MFSD6: variants seen among roughly 807,000 people sequenced by gnomAD.
MFSD6 encodes the protein major facilitator superfamily domain containing 6.
A neutral mutation model predicts 56.3 loss-of-function variants in MFSD6; 26 were observed. The ratio of observed to expected loss-of-function variants is 0.46; its 90% CI spans 0.34 to 0.64. The LOEUF is 0.64. Among genes scored for constraint, MFSD6 ranks in the 30% least tolerant of loss-of-function variants. The pLI is 0.01. For missense variants in MFSD6, 750 were observed against 986.2 expected (o/e 0.76, Z 3.21); for synonymous variants, 331 against 366.9 (o/e 0.90, Z 1.12).
intron 3 of MFSD6, among the ~76,000 whole-genome samples, chr2:190,449,819 A>T (rs1301813586): frequency 1.2e-4 from 18 of 151,914 alleles, no homozygotes; most frequent in East Asian, 9.7e-4. Context: ...AACAATGAGA[A>T]CACATGGACA....
In MFSD6 at chr2:190,467,582, T is replaced by TA. The variant is rs1332139254; in HGVS notation, c.1533-2175dup. ...GAGCCGAGATCGTGCCACTGCTCTC[T>TA]AGCCTCGGCAACAGAGCGAGACTCT... On this transcript the variant is annotated intron_variant, in intron 3 of 7. Coordinates refer to ENST00000392328, the MANE Select transcript of MFSD6 (RefSeq NM_017694.4). This position sits in a 1 kb window ranked among gnomAD's most constrained non-coding sequence, Gnocchi z 5.5. Among the ~76,000 whole-genome samples, 1 of 152,116 alleles carries TA rather than the reference T, an allele frequency of 6.6e-6. No homozygotes were observed. The highest frequency in any genetic ancestry group is 2.4e-5 in the African/African-American group (1 of 41,428).
At chr2:190,453,718 C>G (rs912849086) in intron 3 of MFSD6, among the ~76,000 whole-genome samples, 3 of 152,210 alleles carry the variant, frequency 2.0e-5, no homozygotes, top group Non-Finnish European at 1.5e-5. Flanking sequence ...CCTAGACCCT[C>G]CATTTTCCCT....
chr2:190,500,200 G>T lies in MFSD6; in HGVS notation c.2358G>T (p.Leu786=), dbSNP rs375901596. Residue 786 remains leucine, a synonymous_variant, in exon 8 of 8, where the codon CTG becomes CTT. Transcript: ENST00000392328. The surrounding 1 kb of genome is among the most constrained non-coding windows in gnomAD (Gnocchi z 5.3). ...TEESEEQQAQ[L]AAGGH ...AGAGTGAAGAGCAGCAGGCTCAGCT[G>T]GCCGCGGGAGGACACTGAGGGCATC... is the stretch of plus-strand genomic sequence containing the variant. 2 of 1,614,028 alleles carry T rather than the reference G, an allele frequency of 1.2e-6. No homozygotes were observed. The highest frequency in any genetic ancestry group is 2.7e-5 in the African/African-American group (2 of 74,918).
At chr2:190,478,343 T>C (rs950989467) in intron 4 of MFSD6, among the ~76,000 whole-genome samples, 1 of 152,098 alleles carries the variant, frequency 6.6e-6, no homozygotes, top group Non-Finnish European at 1.5e-5. Context: ...ATGGTTTCAT[T>C]CCCTGGCAGA....
chr2:190,452,910 G>A (rs1244818849), intron 3 of MFSD6, among the ~76,000 whole-genome samples: 6 of 152,212 alleles, frequency 3.9e-5, no homozygotes, highest in Middle Eastern at 3.4e-3. Context: ...TGATGACCAC[G>A]TATCATTTAG....
Position 190,496,550 on chromosome 2 carries a change from A to G in MFSD6, c.1892-889A>G, listed in dbSNP as rs1027620270. On this transcript the variant is annotated intron_variant, in intron 6 of 7. Transcript: ENST00000392328. The surrounding 1 kb of genome is among the most constrained non-coding windows in gnomAD (Gnocchi z 4.7). ...GTACATGCATGTTTATAGCATCACA[A>G]TTGCAAAAATGTGGAACCAGCCCAA... is the stretch of plus-strand genomic sequence containing the variant. Among the ~76,000 whole-genome samples, 13 of 152,210 alleles carry G rather than the reference A, an allele frequency of 8.5e-5. No homozygotes were observed. The highest frequency in any genetic ancestry group is 3.1e-4 in the African/African-American group (13 of 41,460).
chr2:190,419,184 G>T lies in MFSD6; in HGVS notation c.-54+3771G>T, dbSNP rs556577729. The stretch of plus-strand genomic sequence containing the variant: ...TATGGGAATTGACCTCGCACACTGT[G>T]TCTCTGGAAAAAGCTCTATCCTGGA... On this transcript the variant is annotated intron_variant, in intron 2 of 7. Coordinates refer to ENST00000392328, the MANE Select transcript of MFSD6 (RefSeq NM_017694.4). Among the ~76,000 whole-genome samples, 11 of 152,262 alleles carry T rather than the reference G, an allele frequency of 7.2e-5. No homozygotes were observed. In the South Asian group the frequency reaches 2.3e-3, roughly 32 times the overall value.
rs527818344 is a variant in MFSD6, at chr2:190,443,245, C to T, written c.1532+5684C>T. On this transcript the variant is annotated intron_variant, in intron 3 of 7. Transcript: ENST00000392328. This position sits in a 1 kb window ranked among gnomAD's most constrained non-coding sequence, Gnocchi z 4.2. ...ATTGTATGGTGGTTACGAGCAGAGG[C>T]TGAGTCAGATTGCCTGGCTCTGCAA... Among the ~76,000 whole-genome samples, 2 of 152,248 alleles carry T rather than the reference C, an allele frequency of 1.3e-5. 1 individual carries two copies. Among genetic ancestry groups the T allele is most frequent in the South Asian group, 4.2e-4 (2 of 4,818 alleles).
Position 190,413,287 on chromosome 2 carries a change from G to A in MFSD6, c.-175-2005G>A, listed in dbSNP as rs973905366. Among the ~76,000 whole-genome samples the A allele has an allele frequency of 5.3e-5, 8 of 152,050 alleles. No homozygotes were observed. Among genetic ancestry groups the A allele is most frequent in the South Asian group, 2.1e-4 (1 of 4,818 alleles). On this transcript the variant is annotated intron_variant, in intron 1 of 7. Coordinates refer to ENST00000392328, the MANE Select transcript of MFSD6 (RefSeq NM_017694.4). This position sits in a 1 kb window ranked among gnomAD's most constrained non-coding sequence, Gnocchi z 4.1. ...TGCTGCATTTTAGGATGGGAGGGGC[G>A]GGGTAGAATGGGGGAGAATAGGGCA...
chr2:190,436,575 T>A lies in MFSD6; in HGVS notation c.546T>A (p.Asn182Lys). ...ACCAGTTAACTATCCTGCCAACAAA[T>A]TCTTCCTTTACCTCTTTCCTCACCA... ...ASHQLTILPTNSSFTSFLTIS... is the reference protein window; with the variant it reads ...ASHQLTILPTKSSFTSFLTIS... The change falls in exon 3 of 8, where the codon AAT becomes AAA. Residue 182 changes from asparagine (N) to lysine (K), a missense_variant. Physicochemically the swap from Asn to Lys is moderately conservative, Grantham distance 94. Coordinates refer to ENST00000392328, the MANE Select transcript of MFSD6 (RefSeq NM_017694.4). This position sits in a 1 kb window ranked among gnomAD's most constrained non-coding sequence, Gnocchi z 5.3. 6.2e-7 allele frequency: 1 copy of A among 1,614,204 alleles called. No homozygotes were observed. Among genetic ancestry groups the A allele is most frequent in the Admixed American group, 1.7e-5 (1 of 60,028 alleles).
Position 190,454,115 on chromosome 2 carries a change from G to A in MFSD6, c.1533-15643G>A, listed in dbSNP as rs1276708090. ...TATAGTTTTAACAAATATTTTTATT[G>A]TTACAGTAATCTTAGAAAACAGTTG... On this transcript the variant is annotated intron_variant, in intron 3 of 7. Transcript: ENST00000392328. The surrounding 1 kb of genome is among the most constrained non-coding windows in gnomAD (Gnocchi z 4.6). 6.6e-6 allele frequency: 1 copy of A among 152,070 alleles called. No homozygotes were observed. The highest frequency in any genetic ancestry group is 6.5e-5 in the Admixed American group (1 of 15,274). The allele number at this position is 152,070 out of a possible 1,614,324, so 9.4% of individuals were successfully genotyped here.
At chr2:190,482,740 T>G (rs546405590) in intron 4 of MFSD6, among the ~76,000 whole-genome samples, 1 of 152,216 alleles carries the variant, frequency 6.6e-6, no homozygotes, top group East Asian at 1.9e-4. Context: ...CTGAACAATT[T>G]TGAAATGCAT....
rs1688981363 is a variant in MFSD6, at chr2:190,485,852, C to A, written c.1631-2805C>A. ...AATGATGACTGAAACATATATAAAA[C>A]CTAAGAAAGTTATTTTAATGTTTCT... On this transcript the variant is annotated intron_variant, in intron 4 of 7. Coordinates refer to ENST00000392328, the MANE Select transcript of MFSD6 (RefSeq NM_017694.4). The surrounding 1 kb of genome is among the most constrained non-coding windows in gnomAD (Gnocchi z 5.1). Among the ~76,000 whole-genome samples the A allele has an allele frequency of 6.6e-6, 1 of 151,300 alleles. No homozygotes were observed. Among genetic ancestry groups the A allele is most frequent in the Non-Finnish European group, 1.5e-5 (1 of 67,854 alleles).
rs1019298658 is a variant in MFSD6, at chr2:190,408,365, C to A, written c.-314C>A. 2 of 151,128 alleles carry A rather than the reference C, an allele frequency of 1.3e-5. No individual in the cohort carries two copies. The highest frequency in any genetic ancestry group is 1.3e-4 in the Admixed American group (2 of 15,098). 9.4% of individuals were successfully genotyped at this position (151,128 alleles called of 1,614,324 possible). A position where few individuals can be genotyped will look rare whatever the true frequency, so the allele number is the denominator to read the frequency against. ...CGCCCCGCCCAGCCCGTCGCAGCCC[C>A]GGAGGAGCGCGCGAGCAGCCCGGGA... On this transcript the variant is annotated 5_prime_UTR_variant, in exon 1 of 8. Coordinates refer to ENST00000392328, the MANE Select transcript of MFSD6 (RefSeq NM_017694.4).
At chr2:190,460,493 A>G (rs1168409999) in intron 3 of MFSD6, among the ~76,000 whole-genome samples, 1 of 152,200 alleles carries the variant, frequency 6.6e-6, no homozygotes, top group Non-Finnish European at 1.5e-5. Context: ...GTTAATTGAT[A>G]TTCTATTTGA....
rs1019298658 is a variant in MFSD6 at position 190,408,365 on chromosome 2, C to T, written c.-314C>T. The T allele has an allele frequency of 3.3e-5, 5 of 151,128 alleles. No homozygotes were observed. Among genetic ancestry groups the T allele is most frequent in the Admixed American group, 2.6e-4 (4 of 15,098 alleles). 9.4% of individuals were successfully genotyped at this position (151,128 alleles called of 1,614,324 possible). A position where few individuals can be genotyped will look rare whatever the true frequency, so the allele number is the denominator to read the frequency against. ...CGCCCCGCCCAGCCCGTCGCAGCCC[C>T]GGAGGAGCGCGCGAGCAGCCCGGGA... On this transcript the variant is annotated 5_prime_UTR_variant, in exon 1 of 8. Transcript: ENST00000392328.
At chr2:190,477,528 CA>C (rs1317237977) in intron 4 of MFSD6, 11 of 209,438 alleles carry the variant, frequency 5.3e-5, no homozygotes, top group Non-Finnish European at 8.3e-5. Context: ...GGTTAAAGAA[CA>C]ACAGAATAAT....
rs1686186957 is a variant in MFSD6 at position 190,436,670 on chromosome 2, T to G, written c.641T>G (p.Leu214Trp). 1.9e-6 allele frequency: 3 copies of G among 1,614,204 alleles called. No homozygotes were observed. Among genetic ancestry groups the G allele is most frequent in the Non-Finnish European group, 2.5e-6 (3 of 1,180,032 alleles). Residue 214 changes from leucine to tryptophan, a missense_variant, in exon 3 of 8, where the codon TTG becomes TGG. Physicochemically the swap from Leu to Trp is moderately conservative, Grantham distance 61. Transcript: ENST00000392328. The surrounding 1 kb of genome is among the most constrained non-coding windows in gnomAD (Gnocchi z 5.3). ...CTCAATGTCTCAGACACCGTTACTT[T>G]GCCAACAGCTCCAAACATGAACAGT... Reference protein sequence around the residue: ...TRLNVSDTVTLPTAPNMNSEP... With the variant: ...TRLNVSDTVTWPTAPNMNSEP...
intron 2 of MFSD6, among the ~76,000 whole-genome samples, chr2:190,419,181 T>C (rs538373356): frequency 1.1e-4 from 16 of 152,296 alleles, no homozygotes; most frequent in African/African-American, 3.4e-4. Flanking sequence ...CCTCGCACAC[T>C]GTGTCTCTGG....
Sources: gnomAD v4.1 joint callset for allele counts (sites outside exome capture counted in the v4.1 genomes callset) on GRCh38, gnomAD v4.1.1 for gene constraint, Gnocchi (gnomAD v3.1) non-coding constraint, MANE v1.5 for transcripts, NCBI Gene and HGNC (gene_info 2026-07-23, HGNC 2026-07-21) for gene names.